Variants in RRAS2 observed in about 807,000 individuals in gnomAD.
RRAS2 encodes ras-related protein R-Ras2.
In RRAS2, 7 loss-of-function variants were observed where a neutral mutation model predicts 27.6. The observed-to-expected ratio is 0.25, with a 90% CI of 0.14 to 0.48. The LOEUF is 0.48. Ranked by LOEUF, RRAS2 falls within the 20% of genes least tolerant of loss-of-function variation. RRAS2 has a pLI of 0.99. For missense variants in RRAS2, 178 were observed against 256.2 expected (o/e 0.69, Z 2.08); for synonymous variants, 86 against 90.9 (o/e 0.95, Z 0.31).
intron 1 of RRAS2, among the ~76,000 whole-genome samples, chr11:14,321,519 T>G (rs1449965872): frequency 6.6e-6 from 1 of 152,188 alleles, no homozygotes; most frequent in African/African-American, 2.4e-5. Context: ...CAGGAGCAAG[T>G]GGGAGTGGGG....
chr11:14,293,030 CCCGG>C (rs1847444875), intron 4 of RRAS2, among the ~76,000 whole-genome samples: 1 of 150,222 alleles, frequency 6.7e-6, no homozygotes, highest in South Asian at 2.1e-4. Flanking sequence ...ATGGCGTGAA[CCCGG>C]GAGGCAGAGC....
At position 14,358,703 on chromosome 11, in the gene RRAS2, G is replaced by C; in HGVS notation, c.108+60C>G. ...AGGTCGCGGCGGCCGCCCCGCCACA[G>C]GTAGCGCCAGCCCCCGCCCGCCGCC... On this transcript the variant is annotated intron_variant, in intron 1 of 5. Transcript: ENST00000256196. This position sits in a 1 kb window ranked among gnomAD's most constrained non-coding sequence, Gnocchi z 5.1. The C allele has an allele frequency of 9.0e-7, 1 of 1,114,720 alleles. No individual in the cohort carries two copies. The highest frequency in any genetic ancestry group is 1.1e-6 in the Non-Finnish European group (1 of 912,952). The allele number at this position is 1,114,720 out of a possible 1,614,324, so 69.1% of individuals were successfully genotyped here.
At chr11:14,286,523 T>C (rs1564954167) in intron 4 of RRAS2, among the ~76,000 whole-genome samples, 4 of 152,194 alleles carry the variant, frequency 2.6e-5, no homozygotes, top group Admixed American at 2.0e-4. Flanking sequence ...TTGATTAGAA[T>C]ATGAATTATT....
In RRAS2 at chr11:14,278,816, AGTT is replaced by A; in HGVS notation, c.*518_*520del. On this transcript the variant is annotated 3_prime_UTR_variant, in exon 6 of 6. Coordinates refer to ENST00000256196, the MANE Select transcript of RRAS2 (RefSeq NM_012250.6). The stretch of plus-strand genomic sequence containing the variant: ...GGTATTTTGGCCATCAGAAAACAAA[AGTT>A]GTAGTATCAGTAAAGGTCTGAGATG... The A allele has an allele frequency of 6.5e-6, 1 of 152,884 alleles. No homozygotes were observed. The highest frequency in any genetic ancestry group is 2.4e-5 in the African/African-American group (1 of 41,450). The allele number at this position is 152,884 out of a possible 1,614,324, so 9.5% of individuals were successfully genotyped here. A position where few individuals can be genotyped will look rare whatever the true frequency, so the allele number is the denominator to read the frequency against.
In RRAS2 at chr11:14,278,625, CG is replaced by C. The variant is rs1849437693; in HGVS notation, c.*711del. 1 of 152,120 alleles carries C rather than the reference CG, an allele frequency of 6.6e-6. No homozygotes were observed. The highest frequency in any genetic ancestry group is 1.5e-5 in the Non-Finnish European group (1 of 68,018). The allele number at this position is 152,120 out of a possible 1,614,324, so 9.4% of individuals were successfully genotyped here. ...GGAAATTATTCCTTTTTACCCTTAG[CG>C]TGGCTGTGAAAAAGAGTTAAATTAA... On this transcript the variant is annotated 3_prime_UTR_variant, in exon 6 of 6. Transcript: ENST00000256196.
chr11:14,347,904 G>C (rs989802793), intron 1 of RRAS2, among the ~76,000 whole-genome samples: 1 of 151,210 alleles, frequency 6.6e-6, no homozygotes, highest in Non-Finnish European at 1.5e-5. Flanking sequence ...AACCACCACA[G>C]AACACAGAAA....
In RRAS2 at chr11:14,340,881, T is replaced by C. The variant is rs564675138; in HGVS notation, c.108+17882A>G. On this transcript the variant is annotated intron_variant, in intron 1 of 5. Transcript: ENST00000256196. ...AATCTAAAGATGGAGAGTTCCTTTC[T>C]TGAGGAAATTAGCAACATTCAAATG... 2.0e-5 allele frequency among the ~76,000 whole-genome samples: 3 copies of C among 152,324 alleles called. No individual in the cohort carries two copies. The East Asian group carries it at 5.8e-4, about 29-fold the overall frequency.
At chr11:14,285,880 C>A (rs1425587437) in intron 4 of RRAS2, among the ~76,000 whole-genome samples, 14 of 152,014 alleles carry the variant, frequency 9.2e-5, no homozygotes, top group Admixed American at 3.9e-4. Flanking sequence ...TTTTTCTTTA[C>A]CACTGATTTT....
chr11:14,351,134 C>CA lies in RRAS2; in HGVS notation c.108+7628dup, dbSNP rs1199800971. 5.3e-5 allele frequency among the ~76,000 whole-genome samples: 8 copies of CA among 152,028 alleles called. No homozygotes were observed. The South Asian group carries it at 8.3e-4, about 16-fold the overall frequency. ...TAATTTCTGTATTATTTCTGCCCCC[C>CA]AAAAAATGCATAACCTGAATCTAAT... On this transcript the variant is annotated intron_variant, in intron 1 of 5. Transcript: ENST00000256196.
At chr11:14,324,115 A>T (rs1185361605) in intron 1 of RRAS2, among the ~76,000 whole-genome samples, 5 of 152,126 alleles carry the variant, frequency 3.3e-5, no homozygotes, top group African/African-American at 1.2e-4. Flanking sequence ...ATAAGAAAAT[A>T]AAGTGGTATA....
chr11:14,322,044 A>C (rs1591470739), intron 1 of RRAS2, among the ~76,000 whole-genome samples: 1 of 152,174 alleles, frequency 6.6e-6, no homozygotes, highest in South Asian at 2.1e-4. Flanking sequence ...AAAAAACAAA[A>C]CACCACCAAT....
At chr11:14,314,611 A>G (rs1848052948) in intron 1 of RRAS2, among the ~76,000 whole-genome samples, 1 of 152,238 alleles carries the variant, frequency 6.6e-6, no homozygotes, top group African/African-American at 2.4e-5. Flanking sequence ...GTAATAGCAA[A>G]TGTTGAAATA....
At chr11:14,338,992 T>C (rs1255153444) in intron 1 of RRAS2, among the ~76,000 whole-genome samples, 9 of 152,140 alleles carry the variant, frequency 5.9e-5, no homozygotes, top group Non-Finnish European at 1.5e-5. Context: ...AAGTTACCCA[T>C]GCTGAATGAA....
intron 1 of RRAS2, chr11:14,342,208 G>A (rs782022322): frequency 6.1e-6 from 1 of 164,648 alleles, no homozygotes; most frequent in Non-Finnish European, 1.3e-5. Context: ...ACTCTTTTCA[G>A]CTCCCCTCTA....
At chr11:14,294,062 G>A (rs556973899) in intron 4 of RRAS2, among the ~76,000 whole-genome samples, 2 of 152,302 alleles carry the variant, frequency 1.3e-5, no homozygotes, top group East Asian at 3.9e-4. Context: ...CAATTTAAAT[G>A]AAAGCCATTC....
intron 4 of RRAS2, among the ~76,000 whole-genome samples, chr11:14,290,222 G>A (rs564769605): frequency 2.6e-5 from 4 of 152,104 alleles, no homozygotes; most frequent in South Asian, 2.1e-4. Context: ...AGGCCAAGGC[G>A]GCAGATCACA....
rs1554953795 is a variant in RRAS2 at position 14,344,344 on chromosome 11, C to T, written c.108+14419G>A. On this transcript the variant is annotated intron_variant, in intron 1 of 5. Transcript: ENST00000256196. ...TTTTATTCCAAAAACCCACAAACCT[C>T]TCTCTAACCTTAAATTCACTCCTTC... Among the ~76,000 whole-genome samples the T allele has an allele frequency of 2.0e-5, 3 of 152,170 alleles. No homozygotes were observed. The South Asian group carries it at 6.2e-4, about 32-fold the overall frequency.
At chr11:14,287,526 A>C (rs921732557) in intron 4 of RRAS2, among the ~76,000 whole-genome samples, 1 of 152,156 alleles carries the variant, frequency 6.6e-6, no homozygotes, top group Non-Finnish European at 1.5e-5. Flanking sequence ...CCCATCATGC[A>C]TAATGTAATT....
chr11:14,279,797 C>A (rs1022998781), intron 5 of RRAS2, among the ~76,000 whole-genome samples: 26 of 152,270 alleles, frequency 1.7e-4, no homozygotes, highest in African/African-American at 6.3e-4. Flanking sequence ...CTGTGTTCTG[C>A]CATTTTTTAA....
Sources: gnomAD v4.1 joint callset for allele counts (sites outside exome capture counted in the v4.1 genomes callset) on GRCh38, gnomAD v4.1.1 for gene constraint, Gnocchi (gnomAD v3.1) non-coding constraint, MANE v1.5 for transcripts, NCBI Gene and HGNC (gene_info 2026-07-23, HGNC 2026-07-21) for gene names.